Variants in CNTNAP4 observed in about 807,000 individuals in gnomAD.
CNTNAP4 encodes contactin-associated protein-like 4.
A neutral mutation model predicts 148.4 loss-of-function variants in CNTNAP4; 98 were observed. The observed-to-expected ratio is 0.66, with a 90% CI of 0.56 to 0.78. The LOEUF is 0.78. Among genes scored for constraint, CNTNAP4 ranks in the 30% least tolerant of loss-of-function variants. The probability of loss-of-function intolerance (pLI) is 0.00; values close to 1 mark genes in which losing one functional copy is unlikely to be tolerated. For missense variants in CNTNAP4, 1,935 were observed against 1,565.6 expected, an observed-to-expected ratio of 1.24 and a Z score of -3.98; for synonymous variants, 730 against 565.1, an observed-to-expected ratio of 1.29 and a Z score of -4.14.
In CNTNAP4 at chr16:76,449,597, G is replaced by T. The variant is rs149277788; in HGVS notation, c.928-118G>T. 5.0e-6 allele frequency: 4 copies of T among 798,150 alleles called. No homozygotes were observed. The African/African-American group carries it at 5.4e-5, about 11-fold the overall frequency. 49.4% of individuals were successfully genotyped at this position (798,150 alleles called of 1,614,324 possible). ...AATCTATATCTTAATTTTTGTGTGT[G>T]TAGGGTTATGAAAAATTGATCTGTG... On this transcript the variant is annotated intron_variant, in intron 6 of 23. Transcript: ENST00000611870.
chr16:76,316,861 A>G (rs528535303), intron 2 of CNTNAP4, among the ~76,000 whole-genome samples: 6 of 152,178 alleles, frequency 3.9e-5, no homozygotes, highest in African/African-American at 1.4e-4. Flanking sequence ...ATTTTCAAAA[A>G]CGCTAATTAT....
rs1259392000 is a variant in CNTNAP4 at position 76,535,645 on chromosome 16, A to G, written c.2856A>G (p.Pro952=). 6.2e-7 allele frequency: 1 copy of G among 1,614,124 alleles called. No individual in the cohort carries two copies. Among genetic ancestry groups the G allele is most frequent in the South Asian group, 1.1e-5 (1 of 91,082 alleles). The part of the protein sequence containing the change: ...LDLEERAQVT[P]EVQPGCRGHC... ...TGGAAGAAAGAGCCCAGGTGACTCC[A>G]GAAGTGCAGCCAGGTTGTAGGGGAC... Residue 952 remains proline, a synonymous_variant, in exon 18 of 24, where the codon CCA becomes CCG. Transcript: ENST00000611870.
chr16:76,549,838 C>G (rs1449144948), intron 21 of CNTNAP4, among the ~76,000 whole-genome samples: 1 of 151,566 alleles, frequency 6.6e-6, no homozygotes, highest in African/African-American at 2.4e-5. Context: ...TAGAGGAGAC[C>G]TAATGTGAAA....
intron 15 of CNTNAP4, among the ~76,000 whole-genome samples, chr16:76,511,488 C>G (rs1419722477): frequency 6.6e-6 from 1 of 152,120 alleles, no homozygotes; most frequent in Non-Finnish European, 1.5e-5. Flanking sequence ...TTTCATTTGA[C>G]AGAGTTCTCT....
chr16:76,499,825 A>G (rs1341931028), intron 15 of CNTNAP4, among the ~76,000 whole-genome samples: 1 of 151,972 alleles, frequency 6.6e-6, no homozygotes, highest in African/African-American at 2.4e-5. Context: ...CCCTTAATCC[A>G]TTTAACCCTT....
intron 1 of CNTNAP4, among the ~76,000 whole-genome samples, chr16:76,315,606 G>GT (rs35572907): frequency 6.6e-6 from 1 of 152,038 alleles, no homozygotes; most frequent in Non-Finnish European, 1.5e-5. Context: ...TGTGAAGTCT[G>GT]TTTTTTGAGA....
chr16:76,302,540 TC>T (rs1405231040), intron 1 of CNTNAP4, among the ~76,000 whole-genome samples: 1 of 152,156 alleles, frequency 6.6e-6, no homozygotes, highest in Admixed American at 6.5e-5. Flanking sequence ...CTTATCTCTT[TC>T]ACTTTTTGTG....
At chr16:76,423,113 T>C (rs979245751) in intron 3 of CNTNAP4, among the ~76,000 whole-genome samples, 8 of 152,162 alleles carry the variant, frequency 5.3e-5, no homozygotes, top group African/African-American at 1.9e-4. Context: ...AGACACCGAA[T>C]CTGCTGGTGC....
chr16:76,539,580 CT>C, intron 19 of CNTNAP4, 138 bp from the exon 20 acceptor site: 1 of 693,496 alleles, frequency 1.4e-6, no homozygotes, highest in Non-Finnish European at 2.4e-6. Flanking sequence ...GAAACTGACT[CT>C]TGGGGATTAT....
At chr16:76,467,609 T>A (rs1190663538) in intron 10 of CNTNAP4, 86 bp downstream of exon 10, 20 of 1,104,104 alleles carry the variant, frequency 1.8e-5, no homozygotes, top group Non-Finnish European at 2.4e-5. Context: ...AATTATTCTT[T>A]CCTCTTCCCC....
intron 4 of CNTNAP4, chr16:76,432,665 G>A (rs1180486513): frequency 6.6e-6 from 1 of 152,192 alleles, no homozygotes; most frequent in Non-Finnish European, 1.5e-5. Context: ...TATCTGCAAT[G>A]TCCTTAGGAA....
intron 2 of CNTNAP4, among the ~76,000 whole-genome samples, chr16:76,322,175 G>A (rs956189033): frequency 1.3e-5 from 2 of 152,238 alleles, no homozygotes; most frequent in Admixed American, 1.3e-4. Flanking sequence ...AATTGCAAGA[G>A]TCCCCTGCCT....
intron 1 of CNTNAP4, among the ~76,000 whole-genome samples, chr16:76,297,940 C>G (rs1015649402): frequency 1.3e-5 from 2 of 152,084 alleles, no homozygotes; most frequent in Non-Finnish European, 2.9e-5. Flanking sequence ...CTCTTTATGT[C>G]AAACATATTA....
At chr16:76,370,620 G>C (rs796910077) in intron 3 of CNTNAP4, among the ~76,000 whole-genome samples, 6 of 152,328 alleles carry the variant, frequency 3.9e-5, no homozygotes, top group African/African-American at 1.4e-4. Flanking sequence ...TTGGGTCAGA[G>C]CAGGGAAAGG....
chr16:76,283,201 C>A (rs1173580335), intron 1 of CNTNAP4, among the ~76,000 whole-genome samples: 1 of 151,798 alleles, frequency 6.6e-6, no homozygotes, highest in Non-Finnish European at 1.5e-5. Context: ...ACCGATTTTT[C>A]TTGTTTAAAT....
chr16:76,379,030 A>C (rs1359136433), intron 3 of CNTNAP4, among the ~76,000 whole-genome samples: 1 of 152,190 alleles, frequency 6.6e-6, no homozygotes, highest in Non-Finnish European at 1.5e-5. Context: ...CAGTTTCCTC[A>C]TCTGTAAACT....
chr16:76,322,404 ACT>A (rs1962519184), intron 2 of CNTNAP4, among the ~76,000 whole-genome samples: 1 of 151,652 alleles, frequency 6.6e-6, no homozygotes, highest in Non-Finnish European at 1.5e-5. Flanking sequence ...CAGCTCTTCC[ACT>A]CTCCTTCTTC....
chr16:76,362,325 A>C (rs2013538374), intron 3 of CNTNAP4, among the ~76,000 whole-genome samples: 1 of 152,172 alleles, frequency 6.6e-6, no homozygotes, highest in Non-Finnish European at 1.5e-5. Flanking sequence ...TGTCTATACT[A>C]CTCAAAGCAA....
At chr16:76,373,263 T>TATGTGAAATATATTCCACATAA (rs2015049389) in intron 3 of CNTNAP4, among the ~76,000 whole-genome samples, 3 of 58,730 alleles carry the variant, frequency 5.1e-5, no homozygotes, top group African/African-American at 1.5e-4. Flanking sequence ...ATTCCACATA[T>TATGTGAAATATATTCCACATAA]ATATGTGAAA....
Sources: allele counts gnomAD v4.1 joint callset (sites outside exome capture counted in the v4.1 genomes callset), GRCh38; gene constraint gnomAD v4.1.1; transcripts MANE v1.5; gene names NCBI Gene and HGNC (gene_info 2026-07-23, HGNC 2026-07-21).